TMPRSS9: variants seen among roughly 807,000 people sequenced by gnomAD.
The protein encoded by TMPRSS9 is transmembrane protease serine 9.
A neutral mutation model predicts 111.4 loss-of-function variants in TMPRSS9; 113 were observed. The observed-to-expected ratio is 1.01, with a 90% confidence interval of 0.87 to 1.19. The LOEUF (loss-of-function observed/expected upper bound fraction) is 1.19, where lower values mean the gene tolerates loss of function less well. Ranked by LOEUF, TMPRSS9 falls within the 50% of genes most tolerant of loss-of-function variation. The probability of loss-of-function intolerance (pLI) is 0.00; values close to 1 mark genes in which losing one functional copy is unlikely to be tolerated. For synonymous variants in TMPRSS9, 805 were observed against 659.1 expected (o/e 1.22, Z -3.39); for missense variants, 1,803 against 1,513.1 (o/e 1.19, Z -3.18).
chr19:2,426,036 A>G, exon 18 of TMPRSS9: 3 of 1,609,324 alleles, frequency 1.9e-6, no homozygotes, highest in South Asian at 1.1e-5. Context: ...CCAGGTGTCT[A>G]TACCCGGGTG....
chr19:2,378,464 A>C (rs971344218), intron 1 of TMPRSS9, among the ~76,000 whole-genome samples: 2 of 152,172 alleles, frequency 1.3e-5, no homozygotes, highest in Non-Finnish European at 2.9e-5. Flanking sequence ...TCATGCCTGT[A>C]ATCCCAGCAC....
exon 16 of TMPRSS9, chr19:2,425,224 C>T: frequency 6.8e-7 from 1 of 1,461,308 alleles, no homozygotes; most frequent in Non-Finnish European, 9.0e-7. Flanking sequence ...CCCCGGACGG[C>T]ACGCGCTGCG....
At chr19:2,409,423 T>G (rs1971049762) in intron 8 of TMPRSS9, among the ~76,000 whole-genome samples, 1 of 152,114 alleles carries the variant, frequency 6.6e-6, no homozygotes. Context: ...ATTACAGGTG[T>G]GAGCCACCTC....
exon 14 of TMPRSS9, chr19:2,422,079 G>A (rs1280601872): frequency 6.2e-7 from 1 of 1,609,148 alleles, no homozygotes; most frequent in Non-Finnish European, 8.5e-7. Context: ...CAGGACGACA[G>A]CTGGCCTCAC....
At chr19:2,393,730 C>T (rs1231844901) in intron 1 of TMPRSS9, among the ~76,000 whole-genome samples, 1 of 151,210 alleles carries the variant, frequency 6.6e-6, no homozygotes, top group East Asian at 2.0e-4. Context: ...GAAACCCTGT[C>T]TTTACTAAAA....
chr19:2,361,674 C>T (rs1301920175), intron 1 of TMPRSS9, among the ~76,000 whole-genome samples: 5 of 152,174 alleles, frequency 3.3e-5, no homozygotes, highest in Non-Finnish European at 5.9e-5. Context: ...GACAGGCGTC[C>T]GTGCTCGAGG....
At chr19:2,390,020 GA>G (rs1970551715) in intron 1 of TMPRSS9, 93 bp downstream of exon 2, 1 of 1,491,912 alleles carries the variant, frequency 6.7e-7, no homozygotes, top group South Asian at 1.3e-5. Flanking sequence ...TGGCCATCTG[GA>G]ATCAAAGGGC....
chr19:2,414,064 T>G (rs1028833469), intron 10 of TMPRSS9, 46 bp downstream of exon 11: 4 of 1,468,408 alleles, frequency 2.7e-6, no homozygotes, highest in Non-Finnish European at 3.6e-6. Context: ...GTGCCTATCT[T>G]GATTTAGGGA....
chr19:2,411,212 A>G (rs62120755), intron 9 of TMPRSS9, among the ~76,000 whole-genome samples: 11,330 of 144,226 alleles, frequency 0.079, 611 homozygotes, highest in East Asian at 0.27. Flanking sequence ...AGGCAGGAGA[A>G]TCATCTGAAC....
upstream of TMPRSS9, among the ~76,000 whole-genome samples, chr19:2,389,607 G>A (rs554073419): frequency 8.2e-4 from 123 of 150,880 alleles, 1 homozygote; most frequent in African/African-American, 2.9e-3. Flanking sequence ...ACCTCAAATC[G>A]TCCTCCTGCC....
Position 2,396,574 on chromosome 19 carries a change from A to G in TMPRSS9, c.178A>G (p.Thr60Ala). 1.2e-6 allele frequency: 2 copies of G among 1,610,838 alleles called. No homozygotes were observed. Among genetic ancestry groups the G allele is most frequent in the Admixed American group, 1.7e-5 (1 of 59,440 alleles). ...TACACAGGGCTTCCACGTGGACCACACGGCCGAGCTGCGGGGAATCCGGTG... is the reference window on the plus strand; with the variant it reads ...TACACAGGGCTTCCACGTGGACCACGCGGCCGAGCTGCGGGGAATCCGGTG... The change falls in exon 2 of 18, where the codon ACG becomes GCG. Residue 60 changes from threonine (T) to alanine (A), a missense_variant. Thr to Ala is a moderately conservative substitution (Grantham distance 58, BLOSUM62 0). Coordinates refer to ENST00000648592, the Ensembl canonical transcript of TMPRSS9.
In TMPRSS9 at chr19:2,424,534, GC is replaced by G. The variant is rs879741232; in HGVS notation, c.2717+286del. The stretch of plus-strand genomic sequence containing the variant: ...GTCCCCACCTAACCCGGAAGCTGCG[GC>G]CCCCCCCCTCCAGCTCCAGGCTAAG... On this transcript the variant is annotated intron_variant, in intron 15 of 17. Coordinates refer to ENST00000648592, the Ensembl canonical transcript of TMPRSS9. Among the ~76,000 whole-genome samples, 43 of 134,248 alleles carry G rather than the reference GC, an allele frequency of 3.2e-4. 1 individual carries two copies. Among genetic ancestry groups the G allele is most frequent in the East Asian group, 8.0e-4 (4 of 4,980 alleles). 88.1% of individuals were successfully genotyped at this position (134,248 alleles called of 152,430 possible). A position where few individuals can be genotyped will look rare whatever the true frequency, so the allele number is the denominator to read the frequency against.
chr19:2,409,027 AATAATG>A (rs771939117), intron 8 of TMPRSS9, among the ~76,000 whole-genome samples: 6,382 of 139,926 alleles, frequency 0.046, 168 homozygotes, highest in African/African-American at 0.066. Flanking sequence ...TAATAATAAT[AATAATG>A]ATGATGCAGA....
chr19:2,399,877 C>T (rs112950944), intron 4 of TMPRSS9, among the ~76,000 whole-genome samples: 5 of 152,224 alleles, frequency 3.3e-5, no homozygotes, highest in Admixed American at 3.3e-4. Flanking sequence ...ATTACAGGCA[C>T]GCACCACCAC....
chr19:2,423,703 C>A (rs945424422), intron 14 of TMPRSS9, among the ~76,000 whole-genome samples: 1 of 151,968 alleles, frequency 6.6e-6, no homozygotes, highest in African/African-American at 2.4e-5. Flanking sequence ...TGGAGGTGAT[C>A]AGGGATCCAG....
At chr19:2,397,747 C>A (rs1034433961) in intron 2 of TMPRSS9, among the ~76,000 whole-genome samples, 4 of 151,358 alleles carry the variant, frequency 2.6e-5, no homozygotes, top group Admixed American at 1.3e-4. Context: ...TGACAAAATC[C>A]CACCATTAGT....
intron 10 of TMPRSS9, 153 bp downstream of exon 11, chr19:2,414,171 A>G: frequency 1.3e-6 from 1 of 758,134 alleles, no homozygotes; most frequent in Non-Finnish European, 2.0e-6. Context: ...CGTTGCGTGT[A>G]CCCTCATGGT....
At chr19:2,420,604 G>A (rs774525398) in intron 13 of TMPRSS9, among the ~76,000 whole-genome samples, 7 of 151,400 alleles carry the variant, frequency 4.6e-5, no homozygotes, top group Non-Finnish European at 8.8e-5. Context: ...AACCTACCCA[G>A]CCCAAGTTCT....
intron 8 of TMPRSS9, among the ~76,000 whole-genome samples, chr19:2,408,860 G>A (rs1304058671): frequency 1.3e-5 from 2 of 151,464 alleles, no homozygotes; most frequent in Non-Finnish European, 2.9e-5. Flanking sequence ...ATGGTGGTGC[G>A]TGCCTATAAT....
Sources: gnomAD v4.1 joint callset for allele counts (sites outside exome capture counted in the v4.1 genomes callset) on GRCh38, gnomAD v4.1.1 for gene constraint, MANE v1.5 for transcripts, NCBI Gene and HGNC (gene_info 2026-07-23, HGNC 2026-07-21) for gene names.